Variants in PHC3 observed in about 807,000 individuals in gnomAD.
The protein encoded by PHC3 is polyhomeotic-like protein 3.
A neutral mutation model predicts 107.4 loss-of-function variants in PHC3; 13 were observed. The ratio of observed to expected loss-of-function variants is 0.12; its 90% CI spans 0.08 to 0.19. PHC3 has a LOEUF of 0.19. Ranked by LOEUF, PHC3 falls within the 10% of genes least tolerant of loss-of-function variation. The pLI, the probability that PHC3 is intolerant of heterozygous loss-of-function variation, is 1.00. For synonymous variants in PHC3, 456 were observed against 427.4 expected, an observed-to-expected ratio of 1.07 and a Z score of -0.83; for missense variants, 992 against 1,210.9, an observed-to-expected ratio of 0.82 and a Z score of 2.68.
chr3:170,156,803 G>A (rs575930868), intron 4 of PHC3, among the ~76,000 whole-genome samples: 41 of 151,052 alleles, frequency 2.7e-4, no homozygotes, highest in Non-Finnish European at 5.0e-4. Flanking sequence ...CACCATGTTG[G>A]TCAGGCTGGT....
intron 7 of PHC3, among the ~76,000 whole-genome samples, chr3:170,130,836 TA>T (rs1212508957): frequency 2.0e-5 from 3 of 152,102 alleles, no homozygotes; most frequent in African/African-American, 7.2e-5. Flanking sequence ...CACAAGAAGA[TA>T]AACTGAAACA....
intron 6 of PHC3, among the ~76,000 whole-genome samples, chr3:170,141,079 C>T (rs1206176065): frequency 6.6e-6 from 1 of 152,128 alleles, no homozygotes; most frequent in African/African-American, 2.4e-5. Context: ...AACTGTTGTA[C>T]TGACTTCTAT....
chr3:170,136,754 C>T, intron 6 of PHC3, 89 bp from the exon 7 acceptor site: 1 of 1,348,402 alleles, frequency 7.4e-7, no homozygotes, highest in Non-Finnish European at 1.0e-6. Flanking sequence ...ACTGACAACA[C>T]ATTTATATTA....
At chr3:170,161,760 G>C (rs998116916) in intron 4 of PHC3, among the ~76,000 whole-genome samples, 1 of 152,206 alleles carries the variant, frequency 6.6e-6, no homozygotes, top group African/African-American at 2.4e-5. Context: ...TCTGGTGTGG[G>C]CTCTCCTCCT....
rs1729030797 is a variant in PHC3, at chr3:170,168,209, T to G, written c.414+3164A>C. Among the ~76,000 whole-genome samples the G allele has an allele frequency of 2.0e-5, 3 of 149,780 alleles. No individual in the cohort carries two copies. In the South Asian group the frequency reaches 6.3e-4, roughly 32 times the overall value. ...GTCAAAGGGAAAGGGAAAGGAAGGC[T>G]AAAATTCTCCCTGTCTTCCCTTTTG... is the stretch of plus-strand genomic sequence containing the variant. On this transcript the variant is annotated intron_variant, in intron 4 of 14. Transcript: ENST00000495893.
Position 170,122,753 on chromosome 3 carries a change from A to C in PHC3, c.1789-9T>G. 6.2e-7 allele frequency: 1 copy of C among 1,613,540 alleles called. No individual in the cohort carries two copies. The highest frequency in any genetic ancestry group is 2.2e-5 in the East Asian group (1 of 44,862). ...TCTTCTACCTGATAAACCTGCAATGACAAACCATACTGCCTTAAAATGTTT... is the reference window on the plus strand; with the variant it reads ...TCTTCTACCTGATAAACCTGCAATGCCAAACCATACTGCCTTAAAATGTTT... On this transcript the variant is annotated splice_polypyrimidine_tract_variant and intron_variant, in intron 8 of 14. Transcript: ENST00000495893.
In PHC3 at chr3:170,136,414, C is replaced by A; in HGVS notation, c.919+5G>T. ...CAACTATTTTCAACAAAAGTTTTAT[C>A]CCACCTGGTGCTATTAACTGGTGAA... is the stretch of plus-strand genomic sequence containing the variant. On this transcript the variant is annotated splice_donor_5th_base_variant and intron_variant, in intron 7 of 14. Coordinates refer to ENST00000495893, the MANE Select transcript of PHC3 (RefSeq NM_024947.4). 1 of 1,611,194 alleles carries A rather than the reference C, an allele frequency of 6.2e-7. No individual in the cohort carries two copies.
chr3:170,111,313 G>GAAC (rs1560033331), intron 11 of PHC3, among the ~76,000 whole-genome samples: 2,294 of 110,896 alleles, frequency 0.021, 62 homozygotes, highest in East Asian at 0.052. Flanking sequence ...AAGGAAGGAA[G>GAAC]GAAGGAACGA....
intron 12 of PHC3, among the ~76,000 whole-genome samples, chr3:170,105,683 T>C (rs1716365875): frequency 6.6e-6 from 1 of 152,180 alleles, no homozygotes; most frequent in African/African-American, 2.4e-5. Flanking sequence ...TCTACCTATT[T>C]TGAAATACAG....
chr3:170,103,487 T>TA (rs1412800736), intron 12 of PHC3, among the ~76,000 whole-genome samples: 1 of 152,194 alleles, frequency 6.6e-6, no homozygotes, highest in Non-Finnish European at 1.5e-5. Flanking sequence ...TTGCTCTCAC[T>TA]ATTCAGAAAA....
chr3:170,095,296 C>T lies in PHC3; in HGVS notation c.*1934G>A, dbSNP rs1714511749. 6.6e-6 allele frequency: 1 copy of T among 152,094 alleles called. No homozygotes were observed. The highest frequency in any genetic ancestry group is 2.4e-5 in the African/African-American group (1 of 41,416). 9.4% of individuals were successfully genotyped at this position (152,094 alleles called of 1,614,324 possible). A position where few individuals can be genotyped will look rare whatever the true frequency, so the allele number is the denominator to read the frequency against. ...ATACGTAACATAGACTACAAGCTAT[C>T]GTAGGTCTGGAACATGAGCCTTATA... is the stretch of plus-strand genomic sequence containing the variant. On this transcript the variant is annotated 3_prime_UTR_variant, in exon 15 of 15. Transcript: ENST00000495893.
intron 9 of PHC3, among the ~76,000 whole-genome samples, chr3:170,119,330 G>A (rs1719730790): frequency 6.6e-6 from 1 of 152,142 alleles, no homozygotes; most frequent in Non-Finnish European, 1.5e-5. Context: ...CAGATTTAGA[G>A]ATAAGAGATA....
chr3:170,121,117 T>C (rs1313636285), intron 9 of PHC3, among the ~76,000 whole-genome samples: 1 of 152,222 alleles, frequency 6.6e-6, no homozygotes, highest in Admixed American at 6.5e-5. Context: ...TGACATGAAC[T>C]ATTACTCTTC....
chr3:170,162,139 T>G (rs1265089779), intron 4 of PHC3, among the ~76,000 whole-genome samples: 3 of 152,202 alleles, frequency 2.0e-5, no homozygotes, highest in Non-Finnish European at 4.4e-5. Context: ...AATTTAAGAT[T>G]AGAACCCCAG....
At chr3:170,176,909 C>T (rs1730568908) in intron 2 of PHC3, 1 of 455,640 alleles carries the variant, frequency 2.2e-6, no homozygotes, top group African/African-American at 2.0e-5. Flanking sequence ...TGTCTCATAC[C>T]CAAGGCTATA....
chr3:170,125,432 T>C (rs1010457082), intron 8 of PHC3, among the ~76,000 whole-genome samples: 10 of 152,214 alleles, frequency 6.6e-5, no homozygotes, highest in African/African-American at 2.4e-4. Flanking sequence ...ATTTTATCTA[T>C]GTAGCATTCC....
intron 10 of PHC3, 52 bp from the exon 11 acceptor site, chr3:170,113,571 G>C: frequency 6.6e-7 from 1 of 1,516,294 alleles, no homozygotes; most frequent in Non-Finnish European, 8.9e-7. Context: ...AAGACATTCA[G>C]AAATACTTTG....
intron 8 of PHC3, among the ~76,000 whole-genome samples, chr3:170,124,950 TAAG>T (rs1460249067): frequency 6.6e-6 from 1 of 152,206 alleles, no homozygotes; most frequent in Non-Finnish European, 1.5e-5. Context: ...AAGGCTCCAC[TAAG>T]AATAAAACAT....
At chr3:170,157,242 T>C (rs1166365779) in intron 4 of PHC3, among the ~76,000 whole-genome samples, 1 of 152,146 alleles carries the variant, frequency 6.6e-6, no homozygotes, top group Non-Finnish European at 1.5e-5. Context: ...AAAAACAAAA[T>C]GCAGAATACC....
Sources: gnomAD v4.1 joint callset for allele counts (sites outside exome capture counted in the v4.1 genomes callset) on GRCh38, gnomAD v4.1.1 for gene constraint, MANE v1.5 for transcripts, NCBI Gene and HGNC (gene_info 2026-07-23, HGNC 2026-07-21) for gene names.